DOCK11: variants seen among roughly 807,000 people sequenced by gnomAD.
DOCK11 encodes the protein dedicator of cytokinesis 11, also known as dedicator of cytokinesis protein 11.
DOCK11 carries 70 observed loss-of-function variants against 169.1 expected under a neutral mutation model. The observed-to-expected ratio is 0.41, with a 90% CI of 0.34 to 0.51. The LOEUF (loss-of-function observed/expected upper bound fraction) is 0.51. Ranked by LOEUF, DOCK11 falls within the 20% of genes least tolerant of loss-of-function variation. DOCK11 has a pLI of 0.10. For synonymous variants in DOCK11, 529 were observed against 541.3 expected, an observed-to-expected ratio of 0.98 and a Z score of 0.32; for missense variants, 1,166 against 1,538.8, an observed-to-expected ratio of 0.76 and a Z score of 4.05.
intron 6 of DOCK11, among the ~76,000 whole-genome samples, chrX:118,555,211 A>G (rs1281861625): frequency 9.0e-6 from 1 of 111,496 alleles, no homozygotes; most frequent in African/African-American, 3.3e-5. Flanking sequence ...TATTTAAGAA[A>G]AGCTATTTGA....
At chrX:118,598,578 C>T (rs1316739847) in intron 22 of DOCK11, among the ~76,000 whole-genome samples, 2 of 111,261 alleles carry the variant, frequency 1.8e-5, no homozygotes, top group African/African-American at 3.3e-5. Context: ...TACCCAAGGT[C>T]ACAGAGTAGT....
chrX:118,559,209 C>G (rs765404145), intron 6 of DOCK11, among the ~76,000 whole-genome samples: 1 of 111,267 alleles, frequency 9.0e-6, no homozygotes, highest in Non-Finnish European at 1.9e-5. Flanking sequence ...CTTGGTGAGG[C>G]AGCTGTATGT....
chrX:118,631,354 AT>A (rs1223007138), intron 35 of DOCK11, among the ~76,000 whole-genome samples: 7 of 108,835 alleles, frequency 6.4e-5, no homozygotes, highest in African/African-American at 2.3e-4. Flanking sequence ...CTATAGAAAC[AT>A]TAAAATAAAT....
At chrX:118,526,938 C>G in intron 1 of DOCK11, among the ~76,000 whole-genome samples, 1 of 111,875 alleles carries the variant, frequency 8.9e-6, no homozygotes, top group Non-Finnish European at 1.9e-5. Context: ...AGTAATTACA[C>G]CAATCTTCCT....
intron 45 of DOCK11, among the ~76,000 whole-genome samples, chrX:118,668,738 G>A (rs1206587777): frequency 9.0e-6 from 1 of 111,121 alleles, no homozygotes; most frequent in Non-Finnish European, 1.9e-5. Context: ...TAGTGAAATA[G>A]AAAAAAAGAT....
At chrX:118,629,341 G>T (rs1017943691) in intron 34 of DOCK11, among the ~76,000 whole-genome samples, 1 of 111,686 alleles carries the variant, frequency 9.0e-6, no homozygotes, top group African/African-American at 3.3e-5. Context: ...TAGTAGCTAG[G>T]CAAGCAATCA....
chrX:118,651,721 T>G (rs894732764), intron 41 of DOCK11, among the ~76,000 whole-genome samples: 2 of 111,842 alleles, frequency 1.8e-5, no homozygotes, highest in Non-Finnish European at 3.8e-5. Flanking sequence ...ATGCTATGAG[T>G]TTTGAAAAAT....
chrX:118,652,791 T>C (rs1265758231), intron 42 of DOCK11, among the ~76,000 whole-genome samples: 1 of 112,467 alleles, frequency 8.9e-6, no homozygotes, highest in African/African-American at 3.2e-5. Flanking sequence ...CCCAGAAGAA[T>C]GAATCATCCC....
intron 44 of DOCK11, 129 bp downstream of exon 44, chrX:118,655,090 G>T (rs2016035076): frequency 3.2e-5 from 19 of 593,526 alleles, no homozygotes; most frequent in African/African-American, 4.6e-5. Flanking sequence ...GCCTTATTCA[G>T]TGTTAAAAAT....
At chrX:118,526,657 AG>A (rs2011384085) in intron 1 of DOCK11, among the ~76,000 whole-genome samples, 1 of 112,294 alleles carries the variant, frequency 8.9e-6, no homozygotes, top group South Asian at 3.7e-4. Context: ...AAACCTCCCA[AG>A]GGTCAGAGGA....
At chrX:118,525,004 G>A (rs943142242) in intron 1 of DOCK11, among the ~76,000 whole-genome samples, 14 of 110,744 alleles carry the variant, frequency 1.3e-4, no homozygotes, top group African/African-American at 4.6e-4. Context: ...AATTAGCTGG[G>A]CGTGGTGGCG....
chrX:118,567,629 C>T (rs1356477110), intron 9 of DOCK11, among the ~76,000 whole-genome samples: 4 of 110,717 alleles, frequency 3.6e-5, no homozygotes, highest in African/African-American at 1.3e-4. Flanking sequence ...GACAGGGTTT[C>T]ACCTTGTTGG....
intron 40 of DOCK11, among the ~76,000 whole-genome samples, chrX:118,648,201 A>G (rs1388431715): frequency 8.5e-5 from 6 of 70,826 alleles, no homozygotes; most frequent in African/African-American, 4.0e-4. Flanking sequence ...AATATAATAT[A>G]TAATATTATA....
At chrX:118,680,299 C>T (rs999857277) in intron 48 of DOCK11, among the ~76,000 whole-genome samples, 183 bp from the exon 49 acceptor site, 25 of 110,781 alleles carry the variant, frequency 2.3e-4, no homozygotes, top group African/African-American at 8.2e-4. Context: ...TCTTTATAAT[C>T]AGAAGTAAGT....
rs776489842 is a variant in DOCK11 at position 118,605,325 on chromosome X, C to G, written c.2650C>G (p.His884Asp). The G allele has an allele frequency of 8.4e-7, 1 of 1,195,283 alleles. No homozygotes were observed. Among genetic ancestry groups the G allele is most frequent in the Non-Finnish European group, 1.1e-6 (1 of 885,594 alleles). ...CTTCCGAGTTCTCACAAATATGACC[C>G]ATGAAGATGACGTTCCTATCAACTG... Reference protein sequence around the residue: ...QLFRVLTNMTHEDDVPINCTM... With the variant: ...QLFRVLTNMTDEDDVPINCTM... The change falls in exon 24 of 53, where the codon CAT becomes GAT. Residue 884 changes from histidine to aspartate, a missense_variant. By Grantham distance (81) the His-to-Asp change is moderately conservative (BLOSUM62 -1). Transcript: ENST00000276202.
rs759831579 is a variant in DOCK11 at position 118,574,142 on chromosome X, GAGATTTTT to G, written c.1389+125_1389+132del. ...CTCTCTCTTGTAAGGTCTGTCGATA[GAGATTTTT>G]CTGGTTACTGAAGTTTGAGGGCAAA... is the stretch of plus-strand genomic sequence containing the variant. On this transcript the variant is annotated intron_variant, in intron 12 of 52. Coordinates refer to ENST00000276202, the MANE Select transcript of DOCK11 (RefSeq NM_144658.4). The G allele has an allele frequency of 2.3e-3, 1,739 of 751,540 alleles. 4 individuals are homozygous for G. The highest frequency in any genetic ancestry group is 1.8e-3 in the Non-Finnish European group (984 of 534,274). The allele number at this position is 751,540 out of a possible 1,213,427, so 61.9% of individuals were successfully genotyped here. A position where few individuals can be genotyped will look rare whatever the true frequency, so the allele number is the denominator to read the frequency against.
At chrX:118,612,558 A>G (rs2014709956) in intron 28 of DOCK11, among the ~76,000 whole-genome samples, 1 of 111,733 alleles carries the variant, frequency 8.9e-6, no homozygotes, top group African/African-American at 3.3e-5. Context: ...TTAGTAGTCA[A>G]ATTTGAATAT....
intron 34 of DOCK11, among the ~76,000 whole-genome samples, chrX:118,629,791 G>A (rs1166026936): frequency 9.3e-6 from 1 of 106,953 alleles, no homozygotes; most frequent in Non-Finnish European, 1.9e-5. Flanking sequence ...TAGGACTACA[G>A]GCATGCACCA....
At chrX:118,521,488 A>G (rs1386794392) in intron 1 of DOCK11, among the ~76,000 whole-genome samples, 1 of 112,425 alleles carries the variant, frequency 8.9e-6, no homozygotes, top group Non-Finnish European at 1.9e-5. Context: ...CAGTGTTTGA[A>G]TTTTGGAATT....
Sources: allele counts gnomAD v4.1 joint callset (sites outside exome capture counted in the v4.1 genomes callset), GRCh38; gene constraint gnomAD v4.1.1; transcripts MANE v1.5; gene names NCBI Gene and HGNC (gene_info 2026-07-23, HGNC 2026-07-21).